Variants in DPP10 observed in about 807,000 individuals in gnomAD.
The protein encoded by DPP10 is dipeptidyl peptidase like 10.
In DPP10, 33 loss-of-function variants were observed where a neutral mutation model predicts 120.9. The observed-to-expected ratio is 0.27, with a 90% CI of 0.21 to 0.37. DPP10 has a LOEUF of 0.37. DPP10 is among the 10% of genes least tolerant of loss of function. DPP10 has a pLI of 1.00. For missense variants in DPP10, 816 were observed against 942.8 expected, an observed-to-expected ratio of 0.87 and a Z score of 1.76; for synonymous variants, 337 against 326.1, an observed-to-expected ratio of 1.03 and a Z score of -0.36.
chr2:114,497,316 CATGTATACGT>C (rs1682709862), intron 1 of DPP10, among the ~76,000 whole-genome samples: 1 of 29,398 alleles, frequency 3.4e-5, no homozygotes, highest in South Asian at 7.3e-4. Context: ...TATACATGTA[CATGTATACGT>C]GTATACATGT....
At chr2:114,884,161 A>T (rs1032936227) in intron 1 of DPP10, among the ~76,000 whole-genome samples, 2 of 152,212 alleles carry the variant, frequency 1.3e-5, no homozygotes, top group African/African-American at 4.8e-5. Context: ...AGGCACTATT[A>T]TACCTAGCAC....
chr2:114,581,898 A>G (rs932652730), intron 1 of DPP10, among the ~76,000 whole-genome samples: 1 of 152,210 alleles, frequency 6.6e-6, no homozygotes, highest in Non-Finnish European at 1.5e-5. Flanking sequence ...TTCCTTGTTA[A>G]CAACATACTG....
intron 1 of DPP10, among the ~76,000 whole-genome samples, chr2:114,524,837 G>T (rs989199991): frequency 6.6e-5 from 10 of 152,112 alleles, no homozygotes; most frequent in Non-Finnish European, 1.5e-4. Flanking sequence ...TTCTCAGTTT[G>T]CCCAGTTCTT....
chr2:115,308,693 G>GT (rs3068805), intron 1 of DPP10, among the ~76,000 whole-genome samples: 2,533 of 126,576 alleles, frequency 0.02, 41 homozygotes, highest in East Asian at 0.076. Flanking sequence ...ACTAAATCCT[G>GT]TTTTTTTTTT....
chr2:115,744,030 G>A (rs1255898824), intron 9 of DPP10, among the ~76,000 whole-genome samples: 1 of 150,544 alleles, frequency 6.6e-6, no homozygotes, highest in Non-Finnish European at 1.5e-5. Flanking sequence ...ATAGATAGAT[G>A]CATAAATAGA....
intron 1 of DPP10, among the ~76,000 whole-genome samples, chr2:114,655,896 C>T (rs532378005): frequency 6.6e-6 from 1 of 152,136 alleles, no homozygotes; most frequent in East Asian, 1.9e-4. Flanking sequence ...AGAGTGGGAC[C>T]TAATTCTGTC....
At chr2:115,459,540 A>G (rs535244239) in intron 3 of DPP10, among the ~76,000 whole-genome samples, 2 of 152,068 alleles carry the variant, frequency 1.3e-5, no homozygotes, top group South Asian at 2.1e-4. Context: ...ATTGATCTCA[A>G]TTTTTTTCAT....
At chr2:114,755,454 C>T (rs1031004492) in intron 1 of DPP10, among the ~76,000 whole-genome samples, 2 of 152,028 alleles carry the variant, frequency 1.3e-5, no homozygotes, top group East Asian at 1.9e-4. Context: ...CCACCATATC[C>T]GGCAACTATC....
intron 3 of DPP10, among the ~76,000 whole-genome samples, chr2:115,355,216 G>T (rs2064293413): frequency 6.6e-6 from 1 of 152,128 alleles, no homozygotes; most frequent in South Asian, 2.1e-4. Context: ...AGCCTCAGCA[G>T]CATCTATTGT....
chr2:115,155,070 T>G (rs11123285), intron 1 of DPP10, among the ~76,000 whole-genome samples: 1 of 151,152 alleles, frequency 6.6e-6, no homozygotes, highest in Non-Finnish European at 1.5e-5. Flanking sequence ...TTTATTTATT[T>G]TTTTTTTTTG....
intron 10 of DPP10, among the ~76,000 whole-genome samples, chr2:115,747,203 G>C (rs373341123): frequency 1.8e-4 from 28 of 152,262 alleles, no homozygotes; most frequent in East Asian, 5.8e-4. Context: ...ATTTAGATTA[G>C]GGGCTCAGGA....
At chr2:115,059,293 C>T (rs1466385192) in intron 1 of DPP10, among the ~76,000 whole-genome samples, 3 of 151,668 alleles carry the variant, frequency 2.0e-5, no homozygotes, top group Non-Finnish European at 2.9e-5. Context: ...TTAAAGAGTC[C>T]CCCTCTTTTA....
intron 1 of DPP10, among the ~76,000 whole-genome samples, chr2:114,650,593 C>G (rs1696511257): frequency 6.6e-6 from 1 of 151,998 alleles, no homozygotes. Context: ...TCAGAGCATC[C>G]CATTAGTTTA....
At position 115,739,828 on chromosome 2, in the gene DPP10, A is replaced by G. The variant is rs748707887; in HGVS notation, c.787A>G (p.Thr263Ala). The change falls in exon 9 of 26, where the codon ACC becomes GCC. Residue 263 changes from threonine (T) to alanine (A), a missense_variant. Transcript: ENST00000410059. Reference protein sequence around the residue: ...FLMINDSLVPTMVIPRFTGAL... With the variant: ...FLMINDSLVPAMVIPRFTGAL... ...GATGATAAATGACTCTTTGGTACCCACCATGGTTATCCCTCGGTTTACTGG... is the reference window on the plus strand; with the variant it reads ...GATGATAAATGACTCTTTGGTACCCGCCATGGTTATCCCTCGGTTTACTGG... 6.2e-7 allele frequency: 1 copy of G among 1,613,564 alleles called. No individual in the cohort carries two copies. Among genetic ancestry groups the G allele is most frequent in the East Asian group, 2.2e-5 (1 of 44,836 alleles).
intron 1 of DPP10, among the ~76,000 whole-genome samples, chr2:114,770,260 G>A (rs1005951044): frequency 2.0e-5 from 3 of 152,160 alleles, no homozygotes; most frequent in African/African-American, 7.2e-5. Flanking sequence ...TTCAGTGCTA[G>A]CTAAGGGGAC....
intron 3 of DPP10, among the ~76,000 whole-genome samples, chr2:115,486,289 C>T (rs938252976): frequency 1.3e-5 from 2 of 152,004 alleles, no homozygotes; most frequent in Non-Finnish European, 2.9e-5. Flanking sequence ...TCCATCTGTC[C>T]ATTCAACTGA....
chr2:115,431,581 C>CT (rs764198050), intron 3 of DPP10, among the ~76,000 whole-genome samples: 1 of 152,110 alleles, frequency 6.6e-6, no homozygotes, highest in Non-Finnish European at 1.5e-5. Flanking sequence ...CTCTTTAGAG[C>CT]TTTAGGAATG....
intron 1 of DPP10, among the ~76,000 whole-genome samples, chr2:114,898,290 T>C (rs1693219526): frequency 6.6e-6 from 1 of 151,746 alleles, no homozygotes. Context: ...TAGATGGGAA[T>C]TGAACAATGA....
At chr2:115,701,674 T>A (rs976311331) in intron 7 of DPP10, among the ~76,000 whole-genome samples, 1 of 152,046 alleles carries the variant, frequency 6.6e-6, no homozygotes, top group Non-Finnish European at 1.5e-5. Flanking sequence ...ACATGTGGAA[T>A]AGAAAATATT....
Sources: gnomAD v4.1 joint callset for allele counts (sites outside exome capture counted in the v4.1 genomes callset) on GRCh38, gnomAD v4.1.1 for gene constraint, MANE v1.5 for transcripts, NCBI Gene and HGNC (gene_info 2026-07-23, HGNC 2026-07-21) for gene names.